ARSB: variants seen among roughly 807,000 people sequenced by gnomAD.
ARSB encodes the protein arylsulfatase B, also known as N-acetylgalactosamine-4-sulfatase.
A neutral mutation model predicts 50.9 loss-of-function variants in ARSB; 41 were observed. The observed-to-expected ratio is 0.81, with a 90% CI of 0.63 to 1.04. The LOEUF (loss-of-function observed/expected upper bound fraction) is 1.04. Among genes scored for constraint, ARSB ranks in the 50% least tolerant of loss-of-function variants. The pLI, the probability that ARSB is intolerant of heterozygous loss-of-function variation, is 0.00. For missense variants in ARSB, 672 were observed against 693.3 expected, an observed-to-expected ratio of 0.97 and a Z score of 0.35; for synonymous variants, 269 against 284.8, an observed-to-expected ratio of 0.94 and a Z score of 0.56.
chr5:78,908,599 G>C (rs966980517), intron 4 of ARSB, among the ~76,000 whole-genome samples: 1 of 152,198 alleles, frequency 6.6e-6, no homozygotes, highest in African/African-American at 2.4e-5. Flanking sequence ...CAAGGGATTA[G>C]AGAGCATTCT....
chr5:78,864,887 C>A (rs1413838239), intron 5 of ARSB, among the ~76,000 whole-genome samples: 2 of 152,220 alleles, frequency 1.3e-5, no homozygotes, highest in Non-Finnish European at 1.5e-5. Flanking sequence ...GAAATGATCT[C>A]AAACTCCATG....
At chr5:78,826,572 G>A (rs1002132185) in intron 6 of ARSB, among the ~76,000 whole-genome samples, 2 of 152,152 alleles carry the variant, frequency 1.3e-5, no homozygotes, top group Admixed American at 6.5e-5. Flanking sequence ...ACAGTGCCTA[G>A]AACACAGTGC....
At chr5:78,797,270 C>T (rs28693862) in intron 6 of ARSB, among the ~76,000 whole-genome samples, 3,607 of 152,300 alleles carry the variant, frequency 0.024, 62 homozygotes, top group Non-Finnish European at 0.037. Flanking sequence ...CCTCTACCTG[C>T]CATTCTTTTC....
chr5:78,910,211 G>A (rs1245042211), intron 4 of ARSB, among the ~76,000 whole-genome samples: 3 of 152,196 alleles, frequency 2.0e-5, no homozygotes, highest in African/African-American at 4.8e-5. Flanking sequence ...CCCGGGGACC[G>A]GTGCCGGTGC....
chr5:78,890,939 T>C (rs1236802101), intron 4 of ARSB, among the ~76,000 whole-genome samples: 2 of 152,256 alleles, frequency 1.3e-5, no homozygotes, highest in Non-Finnish European at 2.9e-5. Flanking sequence ...ATCTCTGCTC[T>C]GTATTTCTGC....
chr5:78,853,792 G>A (rs369669927), intron 5 of ARSB, among the ~76,000 whole-genome samples: 24 of 152,324 alleles, frequency 1.6e-4, no homozygotes, highest in East Asian at 7.7e-4. Context: ...CCTCGCTGCC[G>A]CCTTGCAGTT....
chr5:78,893,537 G>C (rs1748429714), intron 4 of ARSB, among the ~76,000 whole-genome samples: 1 of 152,188 alleles, frequency 6.6e-6, no homozygotes, highest in Non-Finnish European at 1.5e-5. Context: ...AGGATGAAAA[G>C]ACTCCAAAGT....
At chr5:78,783,526 G>T (rs1748985269) in intron 6 of ARSB, 1 of 152,058 alleles carries the variant, frequency 6.6e-6, no homozygotes, top group South Asian at 2.1e-4. Flanking sequence ...AAATATTTTT[G>T]ACTTCTTGTT....
intron 6 of ARSB, among the ~76,000 whole-genome samples, chr5:78,818,527 GCATTT>G (rs1361604749): frequency 1.3e-5 from 2 of 149,650 alleles, no homozygotes; most frequent in Non-Finnish European, 1.5e-5. Flanking sequence ...TGCACGGTTC[GCATTT>G]CATTTCTTCT....
chr5:78,977,161 T>C lies in ARSB; in HGVS notation c.312+7776A>G, dbSNP rs201727941. The stretch of plus-strand genomic sequence containing the variant: ...TGTTTGTATTTCTTTCTTTCCCCAC[T>C]TCCCCCCCGCGAGATGGAGTCTTGC... On this transcript the variant is annotated intron_variant, in intron 1 of 7. Transcript: ENST00000264914. 3.2e-3 allele frequency among the ~76,000 whole-genome samples: 303 copies of C among 93,660 alleles called. 2 individuals carry two copies. Among genetic ancestry groups the C allele is most frequent in the African/African-American group, 0.011 (297 of 27,480 alleles). 61.4% of individuals were successfully genotyped at this position (93,660 alleles called of 152,430 possible). A position where few individuals can be genotyped will look rare whatever the true frequency, so the allele number is the denominator to read the frequency against.
chr5:78,833,550 G>C (rs1744789656), intron 6 of ARSB, among the ~76,000 whole-genome samples: 1 of 152,192 alleles, frequency 6.6e-6, no homozygotes, highest in Non-Finnish European at 1.5e-5. Context: ...CATGAAGCTG[G>C]GAGGCAGTGG....
chr5:78,941,361 C>T (rs889448544), intron 4 of ARSB, among the ~76,000 whole-genome samples: 1 of 151,588 alleles, frequency 6.6e-6, no homozygotes, highest in Non-Finnish European at 1.5e-5. Flanking sequence ...CTGTCTTGTG[C>T]CAGTTTTCAA....
intron 1 of ARSB, among the ~76,000 whole-genome samples, chr5:78,976,477 G>T (rs574569083): frequency 5.9e-5 from 9 of 151,394 alleles, no homozygotes; most frequent in Non-Finnish European, 1.2e-4. Context: ...CACCACACTT[G>T]GTTAATTTTT....
chr5:78,933,840 A>C (rs191819214), intron 4 of ARSB, among the ~76,000 whole-genome samples: 1 of 152,324 alleles, frequency 6.6e-6, no homozygotes, highest in East Asian at 1.9e-4. Context: ...AAATATAGGG[A>C]GATTATCCTG....
chr5:78,872,119 T>C (rs1459984595), intron 5 of ARSB, among the ~76,000 whole-genome samples: 83 of 148,202 alleles, frequency 5.6e-4, no homozygotes, highest in Middle Eastern at 3.6e-3. Context: ...CTATGAGATA[T>C]CATCTCACAC....
chr5:78,798,386 TA>T (rs34346174), intron 6 of ARSB, among the ~76,000 whole-genome samples: 8,297 of 120,554 alleles, frequency 0.069, 373 homozygotes, highest in African/African-American at 0.15. Context: ...GCATTGTGTG[TA>T]AAAAAAAAAA....
chr5:78,983,416 T>TG (rs1326317160), intron 1 of ARSB, among the ~76,000 whole-genome samples: 1 of 152,226 alleles, frequency 6.6e-6, no homozygotes, highest in Non-Finnish European at 1.5e-5. Flanking sequence ...GGGAGGAAGT[T>TG]GGAGAAATGA....
intron 5 of ARSB, among the ~76,000 whole-genome samples, chr5:78,880,730 T>C (rs1305296131): frequency 1.3e-5 from 2 of 152,240 alleles, no homozygotes; most frequent in African/African-American, 4.8e-5. Context: ...TTGTAAAGAA[T>C]GTTTTAGAAA....
intron 5 of ARSB, among the ~76,000 whole-genome samples, chr5:78,867,545 C>G (rs574221326): frequency 3.3e-5 from 5 of 152,026 alleles, no homozygotes; most frequent in Admixed American, 6.5e-5. Flanking sequence ...GAGGCACCCC[C>G]CAGCAGGGGC....
Sources: gnomAD v4.1 joint callset for allele counts (sites outside exome capture counted in the v4.1 genomes callset) on GRCh38, gnomAD v4.1.1 for gene constraint, MANE v1.5 for transcripts, NCBI Gene and HGNC (gene_info 2026-07-23, HGNC 2026-07-21) for gene names.